The following KIF17 variants were observed in gnomAD, a reference collection of about 807,000 sequenced individuals.
The protein encoded by KIF17 is kinesin-like protein KIF17.
A neutral mutation model predicts 96.8 loss-of-function variants in KIF17; 80 were observed. The ratio of observed to expected loss-of-function variants is 0.83; its 90% CI spans 0.69 to 1.00. The LOEUF is 1.00. Ranked by LOEUF, KIF17 falls within the 50% of genes least tolerant of loss-of-function variation. The pLI, the probability that KIF17 is intolerant of heterozygous loss-of-function variation, is 0.00. For missense variants in KIF17, 1,280 were observed against 1,372.9 expected, an observed-to-expected ratio of 0.93 and a Z score of 1.07; for synonymous variants, 567 against 587.5, an observed-to-expected ratio of 0.97 and a Z score of 0.51.
intron 7 of KIF17, among the ~76,000 whole-genome samples, chr1:20,688,699 C>T (rs1412109221): frequency 6.6e-6 from 1 of 152,212 alleles, no homozygotes; most frequent in Non-Finnish European, 1.5e-5. Context: ...GGGCTCTTGT[C>T]CACTGGATAT....
chr1:20,700,594 T>A lies in KIF17; in HGVS notation c.1124-2106A>T, dbSNP rs779924498. 3.3e-5 allele frequency among the ~76,000 whole-genome samples: 5 copies of A among 152,300 alleles called. No homozygotes were observed. Among genetic ancestry groups the A allele is most frequent in the Admixed American group, 6.5e-5 (1 of 15,300 alleles). ...GAAATGCTTATTACACAGCTACAGA[T>A]TCAAGTCCGGAATTCAGAGGACATG... On this transcript the variant is annotated intron_variant, in intron 5 of 14. Transcript: ENST00000400463. The surrounding 1 kb of genome is among the most constrained non-coding windows in gnomAD (Gnocchi z 4.6).
At chr1:20,717,067 C>T (rs1056710414) in intron 1 of KIF17, among the ~76,000 whole-genome samples, 8 of 152,306 alleles carry the variant, frequency 5.3e-5, no homozygotes, top group Admixed American at 3.9e-4. Context: ...CGGCCGGACG[C>T]GGTGCCTCAT....
chr1:20,697,851 G>A (rs688944), intron 6 of KIF17, among the ~76,000 whole-genome samples: 79,812 of 152,080 alleles, frequency 0.52, 23,114 homozygotes, highest in East Asian at 0.79. Flanking sequence ...CTTCCCAGGG[G>A]TGTTGGGAGG....
intron 3 of KIF17, among the ~76,000 whole-genome samples, chr1:20,712,827 T>A (rs940705464): frequency 6.5e-5 from 6 of 92,294 alleles, no homozygotes; most frequent in African/African-American, 1.3e-4. Context: ...AATATAGATA[T>A]TATCTATATT....
In KIF17 at chr1:20,700,708, C is replaced by T. The variant is rs61778501; in HGVS notation, c.1124-2220G>A. Among the ~76,000 whole-genome samples, 6,192 of 152,230 alleles carry T rather than the reference C, an allele frequency of 0.041. 206 individuals carry two copies. The highest frequency in any genetic ancestry group is 0.058 in the Non-Finnish European group (3,966 of 67,994). ...GGCAGGGTTAGACTGCCCTTCAGGG[C>T]GAGCGAATTCCTAGAAACCGTAAAC... is the stretch of plus-strand genomic sequence containing the variant. On this transcript the variant is annotated intron_variant, in intron 5 of 14. Transcript: ENST00000400463. The surrounding 1 kb of genome is among the most constrained non-coding windows in gnomAD (Gnocchi z 4.6).
In KIF17 at chr1:20,687,595, C is replaced by G; in HGVS notation, c.1731G>C (p.Leu577=). The G allele has an allele frequency of 1.2e-6, 2 of 1,614,118 alleles. No individual in the cohort carries two copies. The highest frequency in any genetic ancestry group is 1.7e-6 in the Non-Finnish European group (2 of 1,180,016). Reference sequence around the variant, plus strand: ...CGGCCTCCTGCCCGAGGCACTCATCCAGGAAGTATCTGCTCCTGGACTCCT... The same window carrying G: ...CGGCCTCCTGCCCGAGGCACTCATCGAGGAAGTATCTGCTCCTGGACTCCT... The part of the protein sequence containing the change: ...PTEESRSRYF[L]DECLGQEAAG... Residue 577 remains leucine, a synonymous_variant, in exon 8 of 15, where the codon CTG becomes CTC. Transcript: ENST00000400463. The surrounding 1 kb of genome is among the most constrained non-coding windows in gnomAD (Gnocchi z 4.4).
At chr1:20,675,383 G>A (rs2053721184) in intron 11 of KIF17, among the ~76,000 whole-genome samples, 3 of 151,454 alleles carry the variant, frequency 2.0e-5, no homozygotes, top group Admixed American at 2.0e-4. Context: ...CGGAGGCGGA[G>A]CTTGCAGTGA....
intron 11 of KIF17, among the ~76,000 whole-genome samples, chr1:20,677,031 T>G (rs967820842): frequency 6.6e-6 from 1 of 150,944 alleles, no homozygotes; most frequent in Admixed American, 6.6e-5. Flanking sequence ...CGCAACATGG[T>G]GAAACCCCGT....
chr1:20,664,329 G>A lies in KIF17; in HGVS notation c.*255C>T, dbSNP rs530951155. On this transcript the variant is annotated 3_prime_UTR_variant, in exon 15 of 15. Transcript: ENST00000400463. ...TGGGCTCTGTGGCAGGTGAGCAGAC[G>A]GAAACACTGATGTGGTATGAACAGC... 586 of 1,396,320 alleles carry A rather than the reference G, an allele frequency of 4.2e-4. 2 individuals carry two copies. The African/African-American group carries it at 7.6e-3, about 18-fold the overall frequency. The allele number at this position is 1,396,320 out of a possible 1,614,324, so 86.5% of individuals were successfully genotyped here.
downstream of KIF17, among the ~76,000 whole-genome samples, chr1:20,663,697 CTA>C: frequency 6.6e-6 from 1 of 152,332 alleles, no homozygotes; most frequent in African/African-American, 2.4e-5. Flanking sequence ...TCATTTCTGG[CTA>C]TATCAGGACA....
chr1:20,706,763 C>A (rs984958725), intron 4 of KIF17, among the ~76,000 whole-genome samples: 6 of 151,946 alleles, frequency 3.9e-5, no homozygotes, highest in Non-Finnish European at 8.8e-5. Flanking sequence ...GTGGTGCATG[C>A]CTGTGGTCTC....
downstream of KIF17, among the ~76,000 whole-genome samples, chr1:20,662,819 G>A (rs532913230): frequency 6.6e-4 from 101 of 152,154 alleles, no homozygotes; most frequent in Non-Finnish European, 1.3e-3. Context: ...AGCGCTCTCC[G>A]CCAGGAGCGC....
At chr1:20,676,744 T>C (rs960879392) in intron 11 of KIF17, among the ~76,000 whole-genome samples, 4 of 152,034 alleles carry the variant, frequency 2.6e-5, no homozygotes, top group African/African-American at 9.7e-5. Flanking sequence ...GGCAGGAGAA[T>C]CACTTGAACC....
rs1468656924 is a variant in KIF17, at chr1:20,698,501, C to G, written c.1124-13G>C. ...CTGGACAGCAGGGCTGGGGGAGAAA[C>G]AGAAATTAGCAGCCAGGATGAGGGG... On this transcript the variant is annotated splice_polypyrimidine_tract_variant and intron_variant, in intron 5 of 14. Coordinates refer to ENST00000400463, the MANE Select transcript of KIF17 (RefSeq NM_001122819.3). 3.2e-6 allele frequency: 5 copies of G among 1,568,182 alleles called. No individual in the cohort carries two copies. Among genetic ancestry groups the G allele is most frequent in the Non-Finnish European group, 4.4e-6 (5 of 1,140,874 alleles).
At chr1:20,689,912 G>A (rs1487630957) in intron 7 of KIF17, among the ~76,000 whole-genome samples, 1 of 152,184 alleles carries the variant, frequency 6.6e-6, no homozygotes, top group African/African-American at 2.4e-5. Context: ...TGCTGTGGGT[G>A]AGAACACTGG....
In KIF17 at chr1:20,698,508, T is replaced by C; in HGVS notation, c.1124-20A>G. 6.4e-7 allele frequency: 1 copy of C among 1,552,230 alleles called. No homozygotes were observed. Among genetic ancestry groups the C allele is most frequent in the Non-Finnish European group, 8.9e-7 (1 of 1,126,796 alleles). ...GCAGGGCTGGGGGAGAAACAGAAAT[T>C]AGCAGCCAGGATGAGGGGCACATTG... On this transcript the variant is annotated intron_variant, in intron 5 of 14. Coordinates refer to ENST00000400463, the MANE Select transcript of KIF17 (RefSeq NM_001122819.3).
chr1:20,704,519 G>A lies in KIF17; in HGVS notation c.1051C>T (p.Arg351Cys), dbSNP rs767101609. The change falls in exon 5 of 15, where the codon CGC (arginine) becomes TGC (cysteine). Residue 351 changes from arginine (R) to cysteine (C), a missense_variant. Coordinates refer to ENST00000400463, the MANE Select transcript of KIF17 (RefSeq NM_001122819.3). The surrounding 1 kb of genome is among the most constrained non-coding windows in gnomAD (Gnocchi z 6.8). ...INEDPKDALL[R>C]EYQEEIKKLK... The stretch of plus-strand genomic sequence containing the variant: ...TTCTTGATCTCCTCCTGGTACTCGC[G>A]AAGCAGCGCATCCTTGGGGTCCTCA... 41 of 1,614,102 alleles carry A rather than the reference G, an allele frequency of 2.5e-5. No homozygotes were observed. Among genetic ancestry groups the A allele is most frequent in the South Asian group, 1.4e-4 (13 of 91,090 alleles).
intron 6 of KIF17, among the ~76,000 whole-genome samples, chr1:20,691,092 T>A (rs1468793198): frequency 2.0e-5 from 3 of 149,848 alleles, no homozygotes; most frequent in Non-Finnish European, 4.5e-5. Flanking sequence ...AGGCCAGGAG[T>A]TCAAGACCAG....
chr1:20,666,359 C>T lies in KIF17; in HGVS notation c.2791-28G>A, dbSNP rs369532601. The stretch of plus-strand genomic sequence containing the variant: ...GCCGAGATGCAGATGCCCGTGGTCA[C>T]GTCCCCTTGTTTGTGCCCCTGGCAC... On this transcript the variant is annotated intron_variant, in intron 13 of 14. Transcript: ENST00000400463. 1.6e-5 allele frequency: 25 copies of T among 1,556,840 alleles called. No homozygotes were observed. The Admixed American group carries it at 3.7e-4, about 23-fold the overall frequency.
Sources: allele counts gnomAD v4.1 joint callset (sites outside exome capture counted in the v4.1 genomes callset), GRCh38; gene constraint gnomAD v4.1.1; non-coding constraint Gnocchi (gnomAD v3.1); transcripts MANE v1.5; gene names NCBI Gene and HGNC (gene_info 2026-07-23, HGNC 2026-07-21).